FILIP1: variants seen among roughly 807,000 people sequenced by gnomAD.
FILIP1 encodes the protein filamin A interacting protein 1, also known as filamin-A-interacting protein 1.
In FILIP1, 61 loss-of-function variants were observed where a neutral mutation model predicts 102.1. That is an observed-to-expected ratio of 0.60 (90% confidence interval 0.49 to 0.74). The LOEUF (loss-of-function observed/expected upper bound fraction) is 0.74. Ranked by LOEUF, FILIP1 falls within the 30% of genes least tolerant of loss-of-function variation. The pLI, the probability that FILIP1 is intolerant of heterozygous loss-of-function variation, is 0.00. For synonymous variants in FILIP1, 491 were observed against 526.9 expected, an observed-to-expected ratio of 0.93 and a Z score of 0.93; for missense variants, 1,314 against 1,441.2, an observed-to-expected ratio of 0.91 and a Z score of 1.43.
chr6:75,353,471 G>A, intron 4 of FILIP1, 68 bp downstream of exon 4: 1 of 1,554,220 alleles, frequency 6.4e-7, no homozygotes, highest in South Asian at 1.2e-5. Flanking sequence ...ACTGATCCCT[G>A]AAGGGACGGG....
chr6:75,325,714 T>C (rs1773824157), intron 4 of FILIP1, among the ~76,000 whole-genome samples: 1 of 113,098 alleles, frequency 8.8e-6, no homozygotes, highest in African/African-American at 4.0e-5. Flanking sequence ...CCTGCAAGAA[T>C]TACCATAATT....
chr6:75,457,421 T>A (rs187467866), intron 1 of FILIP1, among the ~76,000 whole-genome samples: 110 of 152,320 alleles, frequency 7.2e-4, no homozygotes, highest in Non-Finnish European at 1.4e-3. Flanking sequence ...TTCTTTCTGT[T>A]ATGACTGATG....
At chr6:75,335,026 A>G (rs188908280) in intron 4 of FILIP1, among the ~76,000 whole-genome samples, 1 of 152,270 alleles carries the variant, frequency 6.6e-6, no homozygotes, top group Admixed American at 6.6e-5. Flanking sequence ...TGAAATAAAG[A>G]AAAGATATGC....
At chr6:75,319,557 C>T in intron 4 of FILIP1, 3 of 539,590 alleles carry the variant, frequency 5.6e-6, no homozygotes, top group South Asian at 2.9e-5. Context: ...GAGGCCGGGC[C>T]CGGTGGCTCA....
chr6:75,490,291 TA>T, intron 1 of FILIP1, among the ~76,000 whole-genome samples: 1 of 152,126 alleles, frequency 6.6e-6, no homozygotes. Context: ...TTGACCATCT[TA>T]AAATATAAAT....
intron 2 of FILIP1, among the ~76,000 whole-genome samples, chr6:75,412,007 A>G (rs1777088008): frequency 6.6e-6 from 1 of 152,180 alleles, no homozygotes; most frequent in African/African-American, 2.4e-5. Context: ...TACTTTGGGC[A>G]GTGTGGCCAT....
chr6:75,472,289 A>C (rs1011352040), intron 1 of FILIP1, among the ~76,000 whole-genome samples: 23 of 152,054 alleles, frequency 1.5e-4, no homozygotes, highest in Non-Finnish European at 2.9e-4. Context: ...TTACCCACCC[A>C]GGGTGCTATG....
At chr6:75,321,228 G>A (rs7740648) in intron 4 of FILIP1, among the ~76,000 whole-genome samples, 101,911 of 151,878 alleles carry the variant, frequency 0.67, 34,331 homozygotes, top group Middle Eastern at 0.76. Context: ...TTTTTGTTTT[G>A]TTTTGTTTTT....
intron 1 of FILIP1, among the ~76,000 whole-genome samples, chr6:75,449,754 C>T (rs940099554): frequency 6.6e-6 from 1 of 152,062 alleles, no homozygotes; most frequent in African/African-American, 2.4e-5. Flanking sequence ...CATTTACTCC[C>T]AGCTTAACTA....
chr6:75,381,513 T>C (rs528088798), intron 2 of FILIP1, among the ~76,000 whole-genome samples: 47 of 152,042 alleles, frequency 3.1e-4, no homozygotes, highest in Admixed American at 1.5e-3. Context: ...CAGGCGTGAG[T>C]CACCATGTCT....
intron 1 of FILIP1, among the ~76,000 whole-genome samples, chr6:75,480,643 G>C (rs1010519178): frequency 6.6e-6 from 1 of 152,120 alleles, no homozygotes; most frequent in Non-Finnish European, 1.5e-5. Context: ...TATGTAAGTA[G>C]TTTCTCAAAG....
chr6:75,440,898 G>A (rs1249398407), intron 1 of FILIP1, among the ~76,000 whole-genome samples: 6 of 149,594 alleles, frequency 4.0e-5, no homozygotes, highest in Admixed American at 6.7e-5. Context: ...GCAGTGAGCC[G>A]AGATCGTGCC....
chr6:75,362,973 G>A, intron 2 of FILIP1, 56 bp from the exon 3 acceptor site: 2 of 1,548,070 alleles, frequency 1.3e-6, no homozygotes, highest in South Asian at 1.1e-5. Context: ...CGCATACTGG[G>A]CTCAAAAAAT....
At position 75,313,001 on chromosome 6, in the gene FILIP1, G is replaced by T. The variant is rs1316319190; in HGVS notation, c.2831C>A (p.Thr944Asn). The stretch of plus-strand genomic sequence containing the variant: ...TATTCTTGGTTTCTGATTCCCTAAG[G>T]TAGGAATGACAGTGGTACTAGAAAA... Reference protein sequence around the residue: ...EFFSSTTVIPTLGNQKPRITI... With the variant: ...EFFSSTTVIPNLGNQKPRITI... Residue 944 changes from threonine to asparagine, a missense_variant, in exon 5 of 6, where the codon ACC (threonine) becomes AAC (asparagine). By Grantham distance (65) the Thr-to-Asn change is moderately conservative (BLOSUM62 0). Transcript: ENST00000237172. This position sits in a 1 kb window ranked among gnomAD's most constrained non-coding sequence, Gnocchi z 4.2. 1.4e-5 allele frequency: 23 copies of T among 1,614,146 alleles called. No individual in the cohort carries two copies. The highest frequency in any genetic ancestry group is 1.9e-5 in the Non-Finnish European group (23 of 1,180,018).
At chr6:75,460,208 G>A (rs1778978145) in intron 1 of FILIP1, among the ~76,000 whole-genome samples, 1 of 152,168 alleles carries the variant, frequency 6.6e-6, no homozygotes, top group Non-Finnish European at 1.5e-5. Context: ...TTCAGGAAGT[G>A]TGAGGCATGA....
chr6:75,372,669 G>T (rs1582408910), intron 2 of FILIP1, among the ~76,000 whole-genome samples: 1 of 57,082 alleles, frequency 1.8e-5, no homozygotes, highest in Non-Finnish European at 3.3e-5. Context: ...AAGAAAGAAA[G>T]AAAGAAAGAA....
intron 4 of FILIP1, among the ~76,000 whole-genome samples, chr6:75,339,362 T>A (rs903546576): frequency 3.3e-5 from 5 of 152,250 alleles, no homozygotes; most frequent in African/African-American, 1.2e-4. Context: ...TTCATCTATA[T>A]ACATAAACTG....
intron 1 of FILIP1, among the ~76,000 whole-genome samples, chr6:75,482,361 CATTA>C (rs943664776): frequency 2.6e-5 from 4 of 152,182 alleles, no homozygotes; most frequent in African/African-American, 9.6e-5. Context: ...TCAGCAGAAA[CATTA>C]ATTAAATGGC....
chr6:75,471,651 A>G (rs758326890), intron 1 of FILIP1, among the ~76,000 whole-genome samples: 18 of 152,192 alleles, frequency 1.2e-4, no homozygotes, highest in Non-Finnish European at 1.8e-4. Context: ...TATTTGTAAC[A>G]GTGAAAAATT....
Sources: allele counts gnomAD v4.1 joint callset (sites outside exome capture counted in the v4.1 genomes callset), GRCh38; gene constraint gnomAD v4.1.1; non-coding constraint Gnocchi (gnomAD v3.1); transcripts MANE v1.5; gene names NCBI Gene and HGNC (gene_info 2026-07-23, HGNC 2026-07-21).